ADAM32: variants seen among roughly 807,000 people sequenced by gnomAD.
The protein encoded by ADAM32 is ADAM metallopeptidase domain 32.
A neutral mutation model predicts 114.9 loss-of-function variants in ADAM32; 89 were observed. The ratio of observed to expected loss-of-function variants is 0.77; its 90% CI spans 0.65 to 0.92. The LOEUF (loss-of-function observed/expected upper bound fraction) is 0.92, where lower values mean the gene tolerates loss of function less well. Ranked by LOEUF, ADAM32 falls within the 40% of genes least tolerant of loss-of-function variation. The pLI is 0.00. For missense variants in ADAM32, 870 were observed against 932.8 expected (o/e 0.93, Z 0.88); for synonymous variants, 285 against 307.5 (o/e 0.93, Z 0.77).
At chr8:39,239,179 G>C (rs1810393342) in intron 16 of ADAM32, among the ~76,000 whole-genome samples, 1 of 152,136 alleles carries the variant, frequency 6.6e-6, no homozygotes, top group Non-Finnish European at 1.5e-5. Context: ...AAAAGCACCA[G>C]GTAATGTATA....
At chr8:39,173,702 A>G (rs745660523) in intron 10 of ADAM32, among the ~76,000 whole-genome samples, 6 of 151,778 alleles carry the variant, frequency 4.0e-5, no homozygotes, top group Non-Finnish European at 8.8e-5. Flanking sequence ...TTTTATTATG[A>G]TTGCTTTTTT....
intron 4 of ADAM32, among the ~76,000 whole-genome samples, chr8:39,149,032 A>G (rs1715594345): frequency 6.6e-6 from 1 of 152,158 alleles, no homozygotes; most frequent in Non-Finnish European, 1.5e-5. Context: ...CATATATTCT[A>G]AAGTTTTTAG....
chr8:39,250,457 C>T (rs1396930983), intron 17 of ADAM32, among the ~76,000 whole-genome samples: 1 of 151,898 alleles, frequency 6.6e-6, no homozygotes, highest in African/African-American at 2.4e-5. Context: ...ATCTGTCTGC[C>T]TACACTGCCC....
intron 22 of ADAM32, among the ~76,000 whole-genome samples, chr8:39,276,899 C>G (rs1274694078): frequency 6.6e-6 from 1 of 152,114 alleles, no homozygotes; most frequent in African/African-American, 2.4e-5. Context: ...CTATCTTGCT[C>G]AGCATTGTAT....
chr8:39,159,743 A>G (rs1804368870), intron 6 of ADAM32, among the ~76,000 whole-genome samples: 1 of 152,186 alleles, frequency 6.6e-6, no homozygotes, highest in Non-Finnish European at 1.5e-5. Context: ...AAAGCTCTTG[A>G]GCAAAACCTT....
At chr8:39,232,979 C>T (rs1809847615) in intron 15 of ADAM32, among the ~76,000 whole-genome samples, 1 of 152,020 alleles carries the variant, frequency 6.6e-6, no homozygotes, top group East Asian at 1.9e-4. Context: ...TCTTTCTTTC[C>T]TTCTATGGGG....
At chr8:39,163,504 G>C (rs746348728) in intron 7 of ADAM32, among the ~76,000 whole-genome samples, 26 of 152,090 alleles carry the variant, frequency 1.7e-4, no homozygotes, top group Non-Finnish European at 3.1e-4. Flanking sequence ...TAGTAATCAG[G>C]GTGAAAACTT....
chr8:39,189,628 C>T (rs554972090), intron 11 of ADAM32, among the ~76,000 whole-genome samples: 1 of 152,198 alleles, frequency 6.6e-6, no homozygotes, highest in South Asian at 2.1e-4. Context: ...CATCAAATCT[C>T]CTCTTCTAGC....
At chr8:39,281,398 G>T (rs1436342338) in intron 23 of ADAM32, among the ~76,000 whole-genome samples, 2 of 151,940 alleles carry the variant, frequency 1.3e-5, no homozygotes, top group Non-Finnish European at 2.9e-5. Context: ...CTACTCTTGT[G>T]GTACATAAGA....
intron 2 of ADAM32, among the ~76,000 whole-genome samples, chr8:39,121,238 G>A (rs565820439): frequency 2.6e-5 from 4 of 152,142 alleles, no homozygotes; most frequent in African/African-American, 2.4e-5. Context: ...CAGAAACACT[G>A]CCAGCTGGAA....
At chr8:39,205,987 A>C (rs1585537296) in intron 11 of ADAM32, among the ~76,000 whole-genome samples, 1 of 152,276 alleles carries the variant, frequency 6.6e-6, no homozygotes, top group African/African-American at 2.4e-5. Flanking sequence ...ATATTGGCAC[A>C]TCTGGTGTAT....
intron 2 of ADAM32, among the ~76,000 whole-genome samples, chr8:39,126,703 A>G (rs1446844765): frequency 1.3e-5 from 2 of 152,164 alleles, no homozygotes; most frequent in South Asian, 4.1e-4. Context: ...AACTTCCAGT[A>G]CTGTATTGAA....
At chr8:39,164,428 T>C (rs1042520047) in intron 7 of ADAM32, among the ~76,000 whole-genome samples, 2 of 152,226 alleles carry the variant, frequency 1.3e-5, no homozygotes, top group Admixed American at 1.3e-4. Context: ...GTAAAGATGT[T>C]ATGGACATTC....
chr8:39,123,840 G>A (rs1483222739), intron 2 of ADAM32, among the ~76,000 whole-genome samples: 1 of 151,558 alleles, frequency 6.6e-6, no homozygotes, highest in Non-Finnish European at 1.5e-5. Context: ...CCAGGTAGCT[G>A]GGATTACAGG....
Position 39,221,707 on chromosome 8 carries a change from G to T in ADAM32, c.1326+5G>T. ...CTGTGCTGCAAAGACTGTCAAGTAAGATTTAAGCTTATGAACATCTTTCAA... is the reference window on the plus strand; with the variant it reads ...CTGTGCTGCAAAGACTGTCAAGTAATATTTAAGCTTATGAACATCTTTCAA... On this transcript the variant is annotated splice_donor_5th_base_variant and intron_variant, in intron 13 of 24. Coordinates refer to ENST00000379907, the MANE Select transcript of ADAM32 (RefSeq NM_145004.7). 1 of 1,602,180 alleles carries T rather than the reference G, an allele frequency of 6.2e-7. No individual in the cohort carries two copies.
chr8:39,222,515 AT>A (rs1375133131), intron 13 of ADAM32, among the ~76,000 whole-genome samples: 1 of 152,018 alleles, frequency 6.6e-6, no homozygotes, highest in African/African-American at 2.4e-5. Context: ...GAGTCTACGT[AT>A]TTCCATGATT....
intron 11 of ADAM32, among the ~76,000 whole-genome samples, chr8:39,187,246 A>G (rs1431230716): frequency 2.6e-5 from 4 of 152,054 alleles, no homozygotes; most frequent in African/African-American, 7.2e-5. Context: ...TCTGAAAGAT[A>G]TATTAGCAAA....
chr8:39,123,970 G>A, intron 2 of ADAM32, among the ~76,000 whole-genome samples: 1 of 150,878 alleles, frequency 6.6e-6, no homozygotes, highest in East Asian at 1.9e-4. Context: ...GCCTCTCAAA[G>A]TGCTGGGATT....
At position 39,151,558 on chromosome 8, in the gene ADAM32, A is replaced by G. The variant is rs1418782426; in HGVS notation, c.525+10A>G. ...TTTTATAAGTGAAAAAGTGAGTTGTATATGTTTTATTACTACTTTTAAAGC... is the reference window on the plus strand; with the variant it reads ...TTTTATAAGTGAAAAAGTGAGTTGTGTATGTTTTATTACTACTTTTAAAGC... On this transcript the variant is annotated intron_variant, in intron 6 of 24. Transcript: ENST00000379907. 1.3e-6 allele frequency: 2 copies of G among 1,508,062 alleles called. No individual in the cohort carries two copies. Among genetic ancestry groups the G allele is most frequent in the South Asian group, 1.4e-5 (1 of 73,978 alleles). 93.4% of individuals were successfully genotyped at this position (1,508,062 alleles called of 1,614,324 possible). A position where few individuals can be genotyped will look rare whatever the true frequency, so the allele number is the denominator to read the frequency against.
Sources: allele counts gnomAD v4.1 joint callset (sites outside exome capture counted in the v4.1 genomes callset), GRCh38; gene constraint gnomAD v4.1.1; transcripts MANE v1.5; gene names NCBI Gene and HGNC (gene_info 2026-07-23, HGNC 2026-07-21).